ABCB4: variants seen among roughly 807,000 people sequenced by gnomAD.
The protein encoded by ABCB4 is ATP binding cassette subfamily B member 4, also known as phosphatidylcholine translocator ABCB4.
A neutral mutation model predicts 145.7 loss-of-function variants in ABCB4; 76 were observed. That is an observed-to-expected ratio of 0.52 (90% CI 0.43 to 0.63). The LOEUF is 0.63. Ranked by LOEUF, ABCB4 falls within the 30% of genes least tolerant of loss-of-function variation. ABCB4 has a pLI of 0.00. For missense variants in ABCB4, 1,234 were observed against 1,553.1 expected (o/e 0.79, Z 3.45); for synonymous variants, 517 against 566.8 (o/e 0.91, Z 1.25).
intron 17 of ABCB4, among the ~76,000 whole-genome samples, chr7:87,423,415 A>G (rs996896581): frequency 6.6e-6 from 1 of 152,194 alleles, no homozygotes; most frequent in Non-Finnish European, 1.5e-5. Context: ...ATAGTTACCT[A>G]TATAATCTCT....
chr7:87,452,699 T>G, intron 6 of ABCB4: 48 of 550,354 alleles, frequency 8.7e-5, no homozygotes, highest in African/African-American at 9.4e-5. Context: ...GAAAGTTCCA[T>G]GAGAAATAAA....
At chr7:87,372,490 T>C in the ABCB4 span, among the ~76,000 whole-genome samples, 4 of 152,228 alleles carry the variant, frequency 2.6e-5, no homozygotes, top group Non-Finnish European at 4.4e-5. Context: ...ATTAAACACA[T>C]GTGCTTCATG....
intron 10 of ABCB4, among the ~76,000 whole-genome samples, chr7:87,443,985 G>A (rs916116484): frequency 3.3e-5 from 5 of 152,140 alleles, no homozygotes; most frequent in East Asian, 1.9e-4. Flanking sequence ...TGAAAAGTAC[G>A]TAAGAGATAT....
intron 6 of ABCB4, 154 bp downstream of exon 6, chr7:87,452,790 A>C: frequency 5.8e-6 from 5 of 868,456 alleles, no homozygotes; most frequent in Non-Finnish European, 7.3e-6. Flanking sequence ...GGCATAGGCT[A>C]TAGATGCTGC....
intron 3 of ABCB4, among the ~76,000 whole-genome samples, chr7:87,467,049 A>T (rs1198763631): frequency 6.6e-6 from 1 of 152,218 alleles, no homozygotes; most frequent in Admixed American, 6.5e-5. Flanking sequence ...ACACATAACT[A>T]TATTAACCTT....
At chr7:87,383,458 T>C in the ABCB4 span, among the ~76,000 whole-genome samples, 1 of 152,124 alleles carries the variant, frequency 6.6e-6, no homozygotes, top group African/African-American at 2.4e-5. Context: ...TTTGTTTTTT[T>C]ATTTTGGCTG....
the ABCB4 span, chr7:87,391,459 A>C: frequency 1.2e-6 from 1 of 818,156 alleles, no homozygotes; most frequent in Non-Finnish European, 1.8e-6. Flanking sequence ...TTTTTTGTTG[A>C]AAGTCTCCAA....
At chr7:87,392,462 C>T in the ABCB4 span, 1 of 826,948 alleles carries the variant, frequency 1.2e-6, no homozygotes. Flanking sequence ...AGAAATCTTT[C>T]CTCTCCCAAA....
At chr7:87,458,418 C>T (rs1430112090) in intron 4 of ABCB4, among the ~76,000 whole-genome samples, 4 of 152,148 alleles carry the variant, frequency 2.6e-5, no homozygotes, top group African/African-American at 9.7e-5. Flanking sequence ...GTAATATGAA[C>T]CTTTTTTTCT....
the ABCB4 span, among the ~76,000 whole-genome samples, chr7:87,373,562 AG>A: frequency 1.3e-5 from 2 of 152,130 alleles, no homozygotes; most frequent in Non-Finnish European, 2.9e-5. Flanking sequence ...AATTGTGGGA[AG>A]GGGGAGATAA....
the ABCB4 span, among the ~76,000 whole-genome samples, chr7:87,383,943 G>A: frequency 6.6e-6 from 1 of 152,094 alleles, no homozygotes; most frequent in South Asian, 2.1e-4. Flanking sequence ...CTAGCAGTGG[G>A]ATCATCAGAT....
Position 87,409,245 on chromosome 7 carries a change from C to A in ABCB4, c.3072G>T (p.Gly1024=). ...GCATCAGAGAACTTACAGGCTTCAGCCCCTCTTCACTGTAGCTGTCAATCA... is the reference window on the plus strand; with the variant it reads ...GCATCAGAGAACTTACAGGCTTCAGACCCTCTTCACTGTAGCTGTCAATCA... ...QPLIDSYSEE[G]LKPDKFEGNI... Residue 1024 remains glycine, a synonymous_variant, in exon 24 of 28, where the codon GGG becomes GGT. Transcript: ENST00000649586. The A allele has an allele frequency of 6.2e-7, 1 of 1,614,078 alleles. No homozygotes were observed. The highest frequency in any genetic ancestry group is 8.5e-7 in the Non-Finnish European group (1 of 1,179,982).
chr7:87,369,485 G>A, the ABCB4 span: 1 of 1,601,516 alleles, frequency 6.2e-7, no homozygotes, highest in Non-Finnish European at 8.5e-7. Context: ...AGCTTCTCAG[G>A]TTTTCAGACT....
At chr7:87,433,669 G>GTTTTTTTTTTTTTTTTTTTTT (rs752621529) in intron 14 of ABCB4, among the ~76,000 whole-genome samples, 2 of 124,052 alleles carry the variant, frequency 1.6e-5, no homozygotes, top group African/African-American at 3.9e-5. Context: ...ACAAAAAATT[G>GTTTTTTTTTTTTTTTTTTTTT]TTGTTGTTTT....
the ABCB4 span, chr7:87,393,055 T>C: frequency 6.2e-7 from 1 of 1,613,322 alleles, no homozygotes; most frequent in Non-Finnish European, 8.5e-7. Context: ...TTCTACCATA[T>C]CAGAGATGAC....
In ABCB4 at chr7:87,453,091, G is replaced by T; in HGVS notation, c.389C>A (p.Ala130Asp). The change falls in exon 6 of 28, where the codon GCT (alanine) becomes GAT (aspartate). Residue 130 changes from alanine (A) to aspartate (D), a missense_variant. By Grantham distance (126) the Ala-to-Asp change is moderately radical. Around this residue, in one of 7 missense-constraint regions of ABCB4, gnomAD observed 467 missense variants for 632.8 expected, o/e 0.74. Transcript: ENST00000649586. Reference sequence around the variant, plus strand: ...CCAAAATGAAACTTGTATATAGGCAGCAACAAGAACTCCAGCACCCAATCC... The same window carrying T: ...CCAAAATGAAACTTGTATATAGGCATCAACAAGAACTCCAGCACCCAATCC... ...YSGLGAGVLVAAYIQVSFWTL... is the reference protein window; with the variant it reads ...YSGLGAGVLVDAYIQVSFWTL... The T allele has an allele frequency of 6.2e-7, 1 of 1,614,088 alleles. No individual in the cohort carries two copies. The highest frequency in any genetic ancestry group is 1.1e-5 in the South Asian group (1 of 91,082).
At chr7:87,419,914 T>G (rs938301234) in intron 19 of ABCB4, 84 bp downstream of exon 19, 1 of 1,425,210 alleles carries the variant, frequency 7.0e-7, no homozygotes, top group African/African-American at 1.4e-5. Flanking sequence ...AACATGCATA[T>G]CGACATAACA....
At chr7:87,441,499 T>A (rs1443805514) in intron 12 of ABCB4, among the ~76,000 whole-genome samples, 1 of 152,156 alleles carries the variant, frequency 6.6e-6, no homozygotes, top group Non-Finnish European at 1.5e-5. Flanking sequence ...CCTTCATATA[T>A]TCATATTAAC....
chr7:87,454,950 GGGAATAAGAA>G (rs1812013402), intron 4 of ABCB4, among the ~76,000 whole-genome samples: 3 of 151,936 alleles, frequency 2.0e-5, no homozygotes, highest in African/African-American at 7.3e-5. Flanking sequence ...AGACAGAGGA[GGGAATAAGAA>G]ATATTTAAAA....
Sources: allele counts gnomAD v4.1 joint callset (sites outside exome capture counted in the v4.1 genomes callset), GRCh38; gene constraint gnomAD v4.1.1; regional missense constraint gnomAD v4.1.1; transcripts MANE v1.5; gene names NCBI Gene and HGNC (gene_info 2026-07-23, HGNC 2026-07-21).